Variants in FBXW4 observed in about 807,000 individuals in gnomAD.
FBXW4 encodes the protein F-box and WD repeat domain containing 4.
FBXW4 carries 40 observed loss-of-function variants against 61.8 expected under a neutral mutation model. The ratio of observed to expected loss-of-function variants is 0.65; its 90% confidence interval spans 0.50 to 0.84. The LOEUF is 0.84. Ranked by LOEUF, FBXW4 falls within the 40% of genes least tolerant of loss-of-function variation. The pLI, the probability that FBXW4 is intolerant of heterozygous loss-of-function variation, is 0.00. For missense variants in FBXW4, 672 were observed against 753.8 expected (o/e 0.89, Z 1.27); for synonymous variants, 311 against 313.8 (o/e 0.99, Z 0.10).
intron 5 of FBXW4, among the ~76,000 whole-genome samples, chr10:101,651,174 G>A (rs2064142609): frequency 6.6e-6 from 1 of 152,174 alleles, no homozygotes; most frequent in African/African-American, 2.4e-5. Context: ...CACTGCACAT[G>A]CCACCTGGTC....
Position 101,667,304 on chromosome 10 carries a change from C to T in FBXW4, c.1235+582G>A, listed in dbSNP as rs182222827. 4.4e-3 allele frequency among the ~76,000 whole-genome samples: 674 copies of T among 151,532 alleles called. 4 individuals carry two copies. The highest frequency in any genetic ancestry group is 0.015 in the African/African-American group (618 of 41,334). On this transcript the variant is annotated intron_variant, in intron 5 of 8. Coordinates refer to ENST00000331272, the MANE Select transcript of FBXW4 (RefSeq NM_022039.4). ...AAATAATAATAAAAAAGAGAAGTAA[C>T]AATCAGACCAAAGGGTACAGTAAAG...
intron 5 of FBXW4, chr10:101,625,705 G>C (rs1375618984): frequency 1.3e-5 from 2 of 152,290 alleles, no homozygotes; most frequent in African/African-American, 4.8e-5. Flanking sequence ...ATTTGGTAGG[G>C]TGGAGAGGGG....
chr10:101,695,199 A>C, upstream of FBXW4: 3 of 985,106 alleles, frequency 3.0e-6, no homozygotes, highest in Non-Finnish European at 3.6e-6. The surrounding 1 kb of genome is among the most constrained non-coding windows in gnomAD (Gnocchi z 4.2). Flanking sequence ...ACCGGGTCAC[A>C]TGGGGCGGCG....
intron 5 of FBXW4, among the ~76,000 whole-genome samples, chr10:101,634,028 A>G (rs1351469759): frequency 1.3e-5 from 2 of 152,070 alleles, no homozygotes; most frequent in Admixed American, 6.6e-5. Context: ...CAGGAGAATC[A>G]CTTGAAACTG....
intron 3 of FBXW4, 134 bp downstream of exon 3, chr10:101,673,354 T>C: frequency 9.5e-7 from 1 of 1,057,744 alleles, no homozygotes; most frequent in Non-Finnish European, 1.4e-6. Context: ...GTAAAATCTC[T>C]CTGCTTTAAA....
intron 6 of FBXW4, among the ~76,000 whole-genome samples, chr10:101,620,599 G>T (rs1393312184): frequency 6.6e-6 from 1 of 152,222 alleles, no homozygotes; most frequent in African/African-American, 2.4e-5. Flanking sequence ...TTCTTCTCAG[G>T]CTCCAGGAAG....
In FBXW4 at chr10:101,694,411, T is replaced by C; in HGVS notation, c.695A>G (p.Asn232Ser). The C allele has an allele frequency of 4.0e-6, 6 of 1,502,868 alleles. No homozygotes were observed. Among genetic ancestry groups the C allele is most frequent in the Non-Finnish European group, 5.3e-6 (6 of 1,138,220 alleles). The allele number at this position is 1,502,868 out of a possible 1,614,324, so 93.1% of individuals were successfully genotyped here. ...LWRRIARASLNSGFTRLGTDL... is the reference protein window; with the variant it reads ...LWRRIARASLSSGFTRLGTDL... ...GGTGCCGAGCCGCGTGAAGCCGGAG[T>C]TGAGCGAGGCCCGGGCTATCCGGCG... is the stretch of plus-strand genomic sequence containing the variant. Residue 232 changes from asparagine to serine, a missense_variant, in exon 1 of 9, where the codon AAC becomes AGC. By Grantham distance (46) the Asn-to-Ser change is conservative. Transcript: ENST00000331272. The surrounding 1 kb of genome is among the most constrained non-coding windows in gnomAD (Gnocchi z 6.0).
intron 6 of FBXW4, chr10:101,622,901 A>G (rs2063878862): frequency 1.3e-5 from 2 of 152,328 alleles, no homozygotes; most frequent in African/African-American, 4.8e-5. Context: ...GAAATGATAC[A>G]GAGAAGACTG....
chr10:101,680,285 T>C (rs760952045), intron 1 of FBXW4, among the ~76,000 whole-genome samples: 1 of 152,118 alleles, frequency 6.6e-6, no homozygotes, highest in African/African-American at 2.4e-5. Context: ...AGAGATAATT[T>C]CCCAATTGAA....
At chr10:101,618,642 C>G (rs927163960) in intron 6 of FBXW4, among the ~76,000 whole-genome samples, 1 of 152,152 alleles carries the variant, frequency 6.6e-6, no homozygotes, top group African/African-American at 2.4e-5. Context: ...CAGGGCAGCA[C>G]AGGACCTGGC....
intron 1 of FBXW4, among the ~76,000 whole-genome samples, chr10:101,690,003 G>T (rs911549075): frequency 6.6e-6 from 1 of 152,146 alleles, no homozygotes; most frequent in Non-Finnish European, 1.5e-5. Flanking sequence ...CTGCTCAAAG[G>T]CTATTTAAAA....
At position 101,686,690 on chromosome 10, in the gene FBXW4, T is replaced by C. The variant is rs186284639; in HGVS notation, c.725+7691A>G. On this transcript the variant is annotated intron_variant, in intron 1 of 8. Coordinates refer to ENST00000331272, the MANE Select transcript of FBXW4 (RefSeq NM_022039.4). Reference sequence around the variant, plus strand: ...TTTAATCATGAAACTGTGTTCTATATTAATCATCAAAACAGGTTCTCAACC... The same window carrying C: ...TTTAATCATGAAACTGTGTTCTATACTAATCATCAAAACAGGTTCTCAACC... Among the ~76,000 whole-genome samples the C allele has an allele frequency of 3.3e-4, 50 of 152,316 alleles. 1 individual carries two copies. In the East Asian group the frequency reaches 8.7e-3, roughly 26 times the overall value.
intron 6 of FBXW4, among the ~76,000 whole-genome samples, chr10:101,619,761 C>T (rs1391171766): frequency 2.0e-5 from 3 of 152,194 alleles, no homozygotes; most frequent in Non-Finnish European, 4.4e-5. Flanking sequence ...CTGTGTGCTC[C>T]AGCTAGCAAC....
intron 5 of FBXW4, chr10:101,627,843 G>C: frequency 6.0e-6 from 3 of 497,054 alleles, no homozygotes; most frequent in Non-Finnish European, 7.8e-6. Flanking sequence ...CCCACACTCA[G>C]ACTCCTCCCT....
chr10:101,647,659 C>T (rs1224099144), intron 5 of FBXW4, among the ~76,000 whole-genome samples: 3 of 152,190 alleles, frequency 2.0e-5, no homozygotes, highest in Non-Finnish European at 4.4e-5. Flanking sequence ...TGGAAGCTTC[C>T]TTTCTTTCCC....
At chr10:101,641,760 G>T (rs115971410) in intron 5 of FBXW4, among the ~76,000 whole-genome samples, 1 of 151,708 alleles carries the variant, frequency 6.6e-6, no homozygotes, top group Non-Finnish European at 1.5e-5. Context: ...AATTAGGTAC[G>T]AGGAAACCAA....
At chr10:101,649,879 A>C (rs1451677399) in intron 5 of FBXW4, among the ~76,000 whole-genome samples, 1 of 152,218 alleles carries the variant, frequency 6.6e-6, no homozygotes, top group East Asian at 1.9e-4. Flanking sequence ...CCCCAGCCCC[A>C]GGACCACATG....
intron 2 of FBXW4, among the ~76,000 whole-genome samples, chr10:101,675,769 T>C (rs1013731628): frequency 6.6e-6 from 1 of 152,214 alleles, no homozygotes; most frequent in Non-Finnish European, 1.5e-5. Flanking sequence ...CAATGAAGCA[T>C]AAAAATTGGT....
intron 1 of FBXW4, among the ~76,000 whole-genome samples, chr10:101,692,086 ATT>A (rs900358097): frequency 6.7e-6 from 1 of 148,882 alleles, no homozygotes. Context: ...AAAGTACAGA[ATT>A]TTTTTTTTTG....
Sources: allele counts gnomAD v4.1 joint callset (sites outside exome capture counted in the v4.1 genomes callset), GRCh38; gene constraint gnomAD v4.1.1; non-coding constraint Gnocchi (gnomAD v3.1); transcripts MANE v1.5; gene names NCBI Gene and HGNC (gene_info 2026-07-23, HGNC 2026-07-21).